The following DIAPH2 variants were observed in gnomAD, a reference collection of about 807,000 sequenced individuals.
The protein encoded by DIAPH2 is protein diaphanous homolog 2.
Under a neutral mutation model 92.7 loss-of-function variants are expected in DIAPH2, and 35 were observed. The observed-to-expected ratio is 0.38, with a 90% CI of 0.29 to 0.50. The LOEUF is 0.50. Among genes scored for constraint, DIAPH2 ranks in the 20% least tolerant of loss-of-function variants. DIAPH2 has a pLI of 0.94. For synonymous variants in DIAPH2, 301 were observed against 280.4 expected (o/e 1.07, Z -0.73); for missense variants, 701 against 819.5 (o/e 0.86, Z 1.77).
chrX:96,713,029 AT>A (rs1333782040), intron 1 of DIAPH2, among the ~76,000 whole-genome samples: 1 of 110,848 alleles, frequency 9.0e-6, no homozygotes, highest in Non-Finnish European at 1.9e-5. Flanking sequence ...GCTATCTACT[AT>A]GAAGAGTGGT....
intron 23 of DIAPH2, among the ~76,000 whole-genome samples, chrX:97,292,877 TA>T (rs1431191928): frequency 9.0e-6 from 1 of 111,712 alleles, no homozygotes; most frequent in Non-Finnish European, 1.9e-5. Context: ...GGTCAGGATA[TA>T]AATTCTTAAT....
intron 17 of DIAPH2, among the ~76,000 whole-genome samples, chrX:97,023,831 A>G (rs1941702156): frequency 8.9e-6 from 1 of 112,434 alleles, no homozygotes; most frequent in Admixed American, 9.4e-5. Flanking sequence ...CCTTTTACCT[A>G]TATAAATAGT....
chrX:96,883,321 G>A (rs1340779708), intron 5 of DIAPH2, among the ~76,000 whole-genome samples: 9 of 110,684 alleles, frequency 8.1e-5, no homozygotes, highest in Non-Finnish European at 1.5e-4. Context: ...TATGATAATC[G>A]TTGAAAGACG....
intron 23 of DIAPH2, among the ~76,000 whole-genome samples, chrX:97,312,770 T>G (rs1319833163): frequency 9.0e-6 from 1 of 111,723 alleles, no homozygotes; most frequent in Non-Finnish European, 1.9e-5. Context: ...CCCAAGGCTT[T>G]TGAGCTAAGC....
At chrX:97,414,020 A>T (rs886439317) in intron 25 of DIAPH2, among the ~76,000 whole-genome samples, 3 of 111,969 alleles carry the variant, frequency 2.7e-5, no homozygotes, top group Non-Finnish European at 5.6e-5. Context: ...TCAAACTACC[A>T]ATGACTTCCT....
At chrX:97,078,106 T>C (rs1177146398) in intron 19 of DIAPH2, among the ~76,000 whole-genome samples, 1 of 111,627 alleles carries the variant, frequency 9.0e-6, no homozygotes, top group Admixed American at 9.5e-5. Flanking sequence ...ATATAGAGCA[T>C]TGACAGAGTA....
intron 4 of DIAPH2, among the ~76,000 whole-genome samples, chrX:96,837,404 C>CCTCTCTCTCTCT (rs758318611): frequency 3.0e-5 from 2 of 66,067 alleles, no homozygotes; most frequent in Admixed American, 2.1e-4. Context: ...TTCCTCCCTC[C>CCTCTCTCTCTCT]CTCTCTCTCT....
chrX:97,514,858 C>A (rs745980433), intron 26 of DIAPH2, among the ~76,000 whole-genome samples: 2 of 111,660 alleles, frequency 1.8e-5, no homozygotes, highest in Admixed American at 1.9e-4. Context: ...GAGGAGGCAG[C>A]CTGCCCGTTC....
chrX:97,115,663 T>C (rs1188034838), intron 21 of DIAPH2, among the ~76,000 whole-genome samples: 1 of 112,448 alleles, frequency 8.9e-6, no homozygotes, highest in African/African-American at 3.2e-5. Flanking sequence ...TATTTTTGAA[T>C]ATAGTTTGCT....
In DIAPH2 at chrX:97,464,140, G is replaced by T. The variant is rs754113422; in HGVS notation, c.3241+34395G>T. On this transcript the variant is annotated intron_variant, in intron 26 of 26. Transcript: ENST00000324765. ...ACAGTGAGACCACAGAGTGTCTTAGGCTGGAACCAAAATGGAAAAGTTAGA... is the reference window on the plus strand; with the variant it reads ...ACAGTGAGACCACAGAGTGTCTTAGTCTGGAACCAAAATGGAAAAGTTAGA... Among the ~76,000 whole-genome samples the T allele has an allele frequency of 1.8e-3, 192 of 107,776 alleles. 5 individuals carry two copies. The highest frequency in any genetic ancestry group is 2.0e-3 in the Non-Finnish European group (106 of 52,191). The allele number at this position is 107,776 out of a possible 115,157, so 93.6% of individuals were successfully genotyped here.
intron 20 of DIAPH2, among the ~76,000 whole-genome samples, chrX:97,110,927 G>C (rs766004655): frequency 1.8e-5 from 2 of 109,551 alleles, no homozygotes; most frequent in South Asian, 7.9e-4. Flanking sequence ...AGGTTGCAGT[G>C]AGCCAGGATT....
intron 26 of DIAPH2, among the ~76,000 whole-genome samples, chrX:97,594,934 G>T (rs997067819): frequency 9.0e-6 from 1 of 110,965 alleles, no homozygotes; most frequent in Non-Finnish European, 1.9e-5. Flanking sequence ...AATGGACGTG[G>T]CCCTTTTATA....
chrX:96,699,529 A>G (rs1365266117), intron 1 of DIAPH2, among the ~76,000 whole-genome samples: 5 of 112,017 alleles, frequency 4.5e-5, no homozygotes, highest in African/African-American at 1.6e-4. Context: ...TCCTACAATC[A>G]TAGGACATTC....
intron 4 of DIAPH2, among the ~76,000 whole-genome samples, chrX:96,851,654 C>T (rs147185685): frequency 0.016 from 1,829 of 111,950 alleles, 44 homozygotes; most frequent in African/African-American, 0.055. Context: ...TGTATATGTT[C>T]GGTACAGACA....
chrX:96,810,715 C>G (rs1351420419), intron 4 of DIAPH2, among the ~76,000 whole-genome samples: 5 of 111,577 alleles, frequency 4.5e-5, no homozygotes, highest in African/African-American at 1.6e-4. Flanking sequence ...AGGGGGGAAT[C>G]CAGTTTCAGC....
At chrX:97,598,983 G>A (rs897761618) in intron 26 of DIAPH2, among the ~76,000 whole-genome samples, 1 of 111,542 alleles carries the variant, frequency 9.0e-6, no homozygotes, top group Non-Finnish European at 1.9e-5. Flanking sequence ...ATTTCCAAGG[G>A]GACTGTGCTT....
At chrX:97,483,406 A>C (rs2070665249) in intron 26 of DIAPH2, among the ~76,000 whole-genome samples, 1 of 110,591 alleles carries the variant, frequency 9.0e-6, no homozygotes, top group Non-Finnish European at 1.9e-5. Flanking sequence ...CAAAAGAGAG[A>C]GAGAGAGAAA....
At chrX:97,433,522 A>G (rs770686023) in intron 26 of DIAPH2, among the ~76,000 whole-genome samples, 1 of 111,850 alleles carries the variant, frequency 8.9e-6, no homozygotes, top group Admixed American at 9.5e-5. Flanking sequence ...ACTCAAAAAA[A>G]GAAAAAAAGA....
intron 5 of DIAPH2, among the ~76,000 whole-genome samples, chrX:96,890,608 C>T (rs2065300894): frequency 9.0e-6 from 1 of 110,828 alleles, no homozygotes; most frequent in Non-Finnish European, 1.9e-5. Context: ...TTTTGTTCAG[C>T]CCCTCGTAAA....
Sources: allele counts gnomAD v4.1 joint callset (sites outside exome capture counted in the v4.1 genomes callset), GRCh38; gene constraint gnomAD v4.1.1; transcripts MANE v1.5; gene names NCBI Gene and HGNC (gene_info 2026-07-23, HGNC 2026-07-21).